The following HTT variants were observed in gnomAD, a reference collection of about 807,000 sequenced individuals.
HTT encodes huntington disease protein.
HTT carries 104 observed loss-of-function variants against 362.3 expected under a neutral mutation model. That is an observed-to-expected ratio of 0.29 (90% CI 0.24 to 0.34). The LOEUF (loss-of-function observed/expected upper bound fraction) is 0.34, where lower values mean the gene tolerates loss of function less well. HTT is among the 10% of genes least tolerant of loss of function. The pLI, the probability that HTT is intolerant of heterozygous loss-of-function variation, is 1.00. For missense variants in HTT, 3,301 were observed against 3,928.6 expected, an observed-to-expected ratio of 0.84 and a Z score of 4.27; for synonymous variants, 1,577 against 1,548.7, an observed-to-expected ratio of 1.02 and a Z score of -0.43.
In HTT at chr4:3,189,053, A is replaced by G. The variant is rs1379012269; in HGVS notation, c.5328A>G (p.Leu1776=). The G allele has an allele frequency of 5.0e-6, 8 of 1,613,924 alleles. No homozygotes were observed. The highest frequency in any genetic ancestry group is 6.8e-6 in the Non-Finnish European group (8 of 1,179,860). Residue 1776 remains leucine, a synonymous_variant, in exon 40 of 67, where the codon CTA becomes CTG. Coordinates refer to ENST00000355072, the MANE Select transcript of HTT (RefSeq NM_001388492.1). ...EQQHTFYCQE[L]GTLLMCLIHI... ...AACATACTTTCTATTGCCAGGAACT[A>G]GGCACACTGCTAATGTGTCTGATCC...
chr4:3,195,974 C>G (rs1009109545), intron 40 of HTT, among the ~76,000 whole-genome samples: 1 of 152,168 alleles, frequency 6.6e-6, no homozygotes, highest in Non-Finnish European at 1.5e-5. Context: ...AGACGTCGTC[C>G]TGCTGCTTCC....
chr4:3,173,460 A>G (rs552675589), intron 31 of HTT, among the ~76,000 whole-genome samples: 1 of 152,234 alleles, frequency 6.6e-6, no homozygotes, highest in South Asian at 2.1e-4. Context: ...GCAGTTCATA[A>G]TGTCCCCACC....
chr4:3,148,103 C>A lies in HTT; in HGVS notation c.3394C>A (p.Arg1132=), dbSNP rs969646953. 2 of 1,613,996 alleles carry A rather than the reference C, an allele frequency of 1.2e-6. No individual in the cohort carries two copies. The highest frequency in any genetic ancestry group is 2.7e-5 in the African/African-American group (2 of 74,934). The change falls in exon 26 of 67, where the codon CGG becomes AGG. Residue 1132 remains arginine, a synonymous_variant. Coordinates refer to ENST00000355072, the MANE Select transcript of HTT (RefSeq NM_001388492.1). ...GGAGGTCTGGCCAGCCCTGGGGGAC[C>A]GGGCCCTGGTGCCCATGGTGGAGCA... The part of the protein sequence containing the change: ...QEEVWPALGD[R]ALVPMVEQLF...
At chr4:3,117,831 T>C (rs1372412470) in intron 8 of HTT, among the ~76,000 whole-genome samples, 2 of 152,052 alleles carry the variant, frequency 1.3e-5, no homozygotes, top group Non-Finnish European at 2.9e-5. Flanking sequence ...AGATTCTGTC[T>C]CAAAAAAACA....
At chr4:3,123,050 T>C in intron 10 of HTT, 114 bp downstream of exon 10, 1 of 672,216 alleles carries the variant, frequency 1.5e-6, no homozygotes, top group Non-Finnish European at 2.5e-6. Context: ...TGTGTATATC[T>C]CTTCTCAGAT....
At chr4:3,114,989 AT>A (rs202217324) in intron 6 of HTT, among the ~76,000 whole-genome samples, 4 of 151,392 alleles carry the variant, frequency 2.6e-5, no homozygotes, top group African/African-American at 9.7e-5. Context: ...TCATTTGTTG[AT>A]TTTTTTTTAA....
intron 52 of HTT, 54 bp from the exon 53 acceptor site, chr4:3,220,128 G>A: frequency 1.9e-6 from 3 of 1,604,360 alleles, no homozygotes. Flanking sequence ...CTTCCTCACA[G>A]TATGTCTGTC....
In HTT at chr4:3,208,838, C is replaced by A; in HGVS notation, c.6218C>A (p.Pro2073His). 6.2e-7 allele frequency: 1 copy of A among 1,614,146 alleles called. No individual in the cohort carries two copies. Among genetic ancestry groups the A allele is most frequent in the Non-Finnish European group, 8.5e-7 (1 of 1,179,992 alleles). ...RLSTMQDSLS[P>H]SPPVSSHPLD... The stretch of plus-strand genomic sequence containing the variant: ...TCCACCATGCAAGACTCACTTAGTC[C>A]CTCTCCTCCAGTCTCTTCCCACCCG... Residue 2073 changes from proline to histidine, a missense_variant, in exon 46 of 67, where the codon CCC becomes CAC. By Grantham distance (77) the Pro-to-His change is moderately conservative. Coordinates refer to ENST00000355072, the MANE Select transcript of HTT (RefSeq NM_001388492.1).
In HTT at chr4:3,240,989, C is replaced by T. The variant is rs1311560091; in HGVS notation, c.*930C>T. The T allele has an allele frequency of 6.6e-6, 1 of 152,454 alleles. No individual in the cohort carries two copies. The highest frequency in any genetic ancestry group is 1.5e-5 in the Non-Finnish European group (1 of 68,232). The allele number at this position is 152,454 out of a possible 1,614,324, so 9.4% of individuals were successfully genotyped here. A position where few individuals can be genotyped will look rare whatever the true frequency, so the allele number is the denominator to read the frequency against. On this transcript the variant is annotated 3_prime_UTR_variant, in exon 67 of 67. Coordinates refer to ENST00000355072, the MANE Select transcript of HTT (RefSeq NM_001388492.1). ...ACCCACCAGTCAGGGACAGCAGCCT[C>T]CCTGTCACTCAGCTGAGAAGGCCAG...
chr4:3,157,213 C>A lies in HTT; in HGVS notation c.3753+14C>A. The A allele has an allele frequency of 6.2e-7, 1 of 1,604,682 alleles. No individual in the cohort carries two copies. Among genetic ancestry groups the A allele is most frequent in the Non-Finnish European group, 8.5e-7 (1 of 1,176,448 alleles). ...GCTAACTACAAGGTATGGGCCTCTGCATCTTTTAAAAATATATATGCACAC... is the reference window on the plus strand; with the variant it reads ...GCTAACTACAAGGTATGGGCCTCTGAATCTTTTAAAAATATATATGCACAC... On this transcript the variant is annotated intron_variant, in intron 28 of 66. Coordinates refer to ENST00000355072, the MANE Select transcript of HTT (RefSeq NM_001388492.1).
intron 36 of HTT, 81 bp downstream of exon 36, chr4:3,180,732 C>G: frequency 8.1e-7 from 1 of 1,227,686 alleles, no homozygotes; most frequent in East Asian, 3.5e-5. Flanking sequence ...TGGTAACGCT[C>G]ACTGTTAACT....
chr4:3,079,232 C>T (rs955430596), intron 1 of HTT, among the ~76,000 whole-genome samples: 2 of 151,142 alleles, frequency 1.3e-5, no homozygotes, highest in African/African-American at 4.9e-5. Context: ...CAGGGAAGGT[C>T]CACTGAGAAG....
intron 48 of HTT, 32 bp downstream of exon 48, chr4:3,212,174 A>G (rs778684821): frequency 6.6e-7 from 1 of 1,526,056 alleles, no homozygotes; most frequent in African/African-American, 1.4e-5. Flanking sequence ...CTTATTTTTA[A>G]AAAGCATTCC....
chr4:3,153,497 T>A (rs1717000505), intron 26 of HTT, among the ~76,000 whole-genome samples: 1 of 152,184 alleles, frequency 6.6e-6, no homozygotes, highest in Non-Finnish European at 1.5e-5. Flanking sequence ...ATGTGTTGTG[T>A]ATTGGAGATA....
intron 8 of HTT, among the ~76,000 whole-genome samples, chr4:3,120,686 T>G (rs1178694409): frequency 2.6e-5 from 4 of 152,238 alleles, no homozygotes; most frequent in Admixed American, 6.5e-5. Context: ...TGCCTGATGA[T>G]CTGAGGTGGA....
chr4:3,159,020 T>C (rs1263133726), intron 28 of HTT, among the ~76,000 whole-genome samples: 4 of 152,220 alleles, frequency 2.6e-5, no homozygotes, highest in Admixed American at 6.5e-5. Flanking sequence ...CGCGGTCAGC[T>C]CCTGCTGCGC....
rs969138732 is a variant in HTT at position 3,207,152 on chromosome 4, C to A, written c.6076-129C>A. ...ACTCGTGTGTCCGATCTGACTGTTT[C>A]TTGTATTTTTTTCTAGTCTGCCCTT... On this transcript the variant is annotated intron_variant, in intron 44 of 66. Transcript: ENST00000355072. The A allele has an allele frequency of 5.7e-6, 6 of 1,054,758 alleles. No individual in the cohort carries two copies. In the Admixed American group the frequency reaches 1.3e-4, roughly 24 times the overall value. 65.3% of individuals were successfully genotyped at this position (1,054,758 alleles called of 1,614,324 possible). A position where few individuals can be genotyped will look rare whatever the true frequency, so the allele number is the denominator to read the frequency against.
intron 2 of HTT, among the ~76,000 whole-genome samples, chr4:3,092,845 G>A (rs1713586335): frequency 6.6e-6 from 1 of 152,234 alleles, no homozygotes; most frequent in Non-Finnish European, 1.5e-5. Context: ...ATATGTAACA[G>A]TGGTTTTCAA....
intron 1 of HTT, among the ~76,000 whole-genome samples, chr4:3,075,771 C>G (rs1406637360): frequency 6.6e-6 from 1 of 152,010 alleles, no homozygotes; most frequent in Non-Finnish European, 1.5e-5. Context: ...TTCATGATCA[C>G]GGTGGTAGTA....
Sources: gnomAD v4.1 joint callset for allele counts (sites outside exome capture counted in the v4.1 genomes callset) on GRCh38, gnomAD v4.1.1 for gene constraint, MANE v1.5 for transcripts, NCBI Gene and HGNC (gene_info 2026-07-23, HGNC 2026-07-21) for gene names.